Variants in SCFD1 observed in about 807,000 individuals in gnomAD.
SCFD1 encodes sec1 family domain containing 1.
Under a neutral mutation model 103.2 loss-of-function variants are expected in SCFD1, and 37 were observed. That is an observed-to-expected ratio of 0.36 (90% CI 0.28 to 0.47). SCFD1 has a LOEUF of 0.47. Ranked by LOEUF, SCFD1 falls within the 20% of genes least tolerant of loss-of-function variation. The pLI is 1.00. For missense variants in SCFD1, 639 were observed against 761.2 expected, an observed-to-expected ratio of 0.84 and a Z score of 1.89; for synonymous variants, 264 against 245.0, an observed-to-expected ratio of 1.08 and a Z score of -0.73.
At chr14:30,672,118 C>T (rs1274868810) in intron 11 of SCFD1, among the ~76,000 whole-genome samples, 4 of 151,736 alleles carry the variant, frequency 2.6e-5, no homozygotes. Flanking sequence ...AACTCTGAGA[C>T]CTAAAGATAT....
intron 14 of SCFD1, among the ~76,000 whole-genome samples, chr14:30,693,854 T>C (rs8011610): frequency 0.04 from 6,151 of 152,240 alleles, 151 homozygotes; most frequent in South Asian, 0.067. Flanking sequence ...ACACCCTCAA[T>C]AGTATCTGAA....
intron 23 of SCFD1, among the ~76,000 whole-genome samples, chr14:30,723,703 C>T (rs2139417878): frequency 6.6e-6 from 1 of 152,300 alleles, no homozygotes; most frequent in African/African-American, 2.4e-5. Context: ...GCAGCTCCAT[C>T]TATGTCCCTG....
rs1479253293 is a variant in SCFD1, at chr14:30,630,488, T to C, written c.144T>C (p.Tyr48=). The C allele has an allele frequency of 6.3e-7, 1 of 1,588,454 alleles. No homozygotes were observed. The highest frequency in any genetic ancestry group is 1.7e-5 in the Admixed American group (1 of 59,944). The change falls in exon 3 of 25, where the codon TAT becomes TAC. Residue 48 remains tyrosine, a synonymous_variant. Transcript: ENST00000458591. The part of the protein sequence containing the change: ...TGEPVWKVLI[Y]DRFGQDIISP... ...GTTTTTTTTAATAGGTACTCATTTATGACAGATTTGGCCAAGATATAATCT... is the reference window on the plus strand; with the variant it reads ...GTTTTTTTTAATAGGTACTCATTTACGACAGATTTGGCCAAGATATAATCT...
intron 7 of SCFD1, among the ~76,000 whole-genome samples, chr14:30,648,431 C>T (rs1886063032): frequency 6.6e-6 from 1 of 152,018 alleles, no homozygotes; most frequent in African/African-American, 2.4e-5. Context: ...AGGATTTCAA[C>T]CTATATGAAT....
intron 23 of SCFD1, among the ~76,000 whole-genome samples, chr14:30,725,300 T>A (rs904215472): frequency 2.0e-5 from 3 of 152,254 alleles, no homozygotes; most frequent in Non-Finnish European, 4.4e-5. Context: ...ATGCTATTTC[T>A]TCTTCCTATC....
intron 3 of SCFD1, 163 bp downstream of exon 3, chr14:30,630,728 C>CCTG: frequency 1.9e-6 from 1 of 530,340 alleles, no homozygotes; most frequent in South Asian, 2.7e-5. Flanking sequence ...CAGTCTGAGG[C>CCTG]TTTATAATTT....
chr14:30,639,173 C>T (rs1220428580), intron 5 of SCFD1, among the ~76,000 whole-genome samples: 2 of 152,082 alleles, frequency 1.3e-5, no homozygotes, highest in Middle Eastern at 3.2e-3. Context: ...ACCACCCCAC[C>T]CAGCTAATTT....
chr14:30,642,906 T>A (rs890561448), intron 6 of SCFD1, among the ~76,000 whole-genome samples: 1 of 152,176 alleles, frequency 6.6e-6, no homozygotes, highest in Non-Finnish European at 1.5e-5. Flanking sequence ...GTGTGGTGGC[T>A]CATGCCTATA....
At chr14:30,715,881 T>C (rs1213292746) in intron 19 of SCFD1, 43 bp from the exon 20 acceptor site, 20 of 1,098,678 alleles carry the variant, frequency 1.8e-5, no homozygotes, top group Non-Finnish European at 2.7e-5. Flanking sequence ...AGAGAAGAAC[T>C]TTGGTTTAAT....
At chr14:30,728,296 G>T (rs1310691537) in intron 23 of SCFD1, among the ~76,000 whole-genome samples, 1 of 152,264 alleles carries the variant, frequency 6.6e-6, no homozygotes, top group East Asian at 1.9e-4. Flanking sequence ...CTTTGTGTTT[G>T]GTAAGGTATA....
At chr14:30,622,775 T>C (rs1882984704) in intron 1 of SCFD1, among the ~76,000 whole-genome samples, 1 of 152,188 alleles carries the variant, frequency 6.6e-6, no homozygotes, top group Admixed American at 6.5e-5. Flanking sequence ...TTAAGAGAAC[T>C]CCCATTTTCT....
chr14:30,710,117 T>A (rs1290730066), intron 19 of SCFD1, among the ~76,000 whole-genome samples: 2 of 152,158 alleles, frequency 1.3e-5, no homozygotes, highest in South Asian at 4.1e-4. Context: ...AATTCTTAAA[T>A]ATTTTATTGT....
At chr14:30,667,888 C>T (rs1392535302) in intron 10 of SCFD1, among the ~76,000 whole-genome samples, 2 of 152,180 alleles carry the variant, frequency 1.3e-5, no homozygotes, top group East Asian at 1.9e-4. Context: ...AACCACTGCT[C>T]AACGAAATAA....
chr14:30,649,496 A>G lies in SCFD1; in HGVS notation c.614-32A>G, dbSNP rs372302927. 1.5e-4 allele frequency: 215 copies of G among 1,452,424 alleles called. No homozygotes were observed. The African/African-American group carries it at 2.6e-3, about 18-fold the overall frequency. 90.0% of individuals were successfully genotyped at this position (1,452,424 alleles called of 1,614,324 possible). A position where few individuals can be genotyped will look rare whatever the true frequency, so the allele number is the denominator to read the frequency against. ...TAAGTATCTATTTTAATTAAGAGCC[A>G]AGATCATTTCTAACATTTATTGTTA... is the stretch of plus-strand genomic sequence containing the variant. On this transcript the variant is annotated intron_variant, in intron 7 of 24. Transcript: ENST00000458591.
intron 23 of SCFD1, among the ~76,000 whole-genome samples, chr14:30,723,310 A>G (rs975342248): frequency 2.0e-5 from 3 of 152,158 alleles, no homozygotes; most frequent in African/African-American, 7.2e-5. Context: ...GTTTCATAGG[A>G]CACGCTTCAT....
At chr14:30,668,380 C>G (rs1888214294) in intron 10 of SCFD1, among the ~76,000 whole-genome samples, 1 of 152,146 alleles carries the variant, frequency 6.6e-6, no homozygotes, top group Non-Finnish European at 1.5e-5. Context: ...CTTCCTTAAA[C>G]CTTATACAAA....
intron 14 of SCFD1, chr14:30,682,911 G>C: frequency 5.0e-6 from 2 of 399,814 alleles, no homozygotes; most frequent in Non-Finnish European, 8.9e-6. Context: ...CTCAACTGAG[G>C]CTTAATTTAA....
chr14:30,680,146 C>T (rs1280474382), intron 14 of SCFD1, among the ~76,000 whole-genome samples: 1 of 152,194 alleles, frequency 6.6e-6, no homozygotes. Context: ...TTGGCTCTCA[C>T]TTCCCTAATA....
intron 4 of SCFD1, among the ~76,000 whole-genome samples, chr14:30,637,147 A>G (rs1884807869): frequency 6.6e-6 from 1 of 152,028 alleles, no homozygotes; most frequent in East Asian, 1.9e-4. Flanking sequence ...TTAGGAAATT[A>G]TGTATTTATA....
Sources: gnomAD v4.1 joint callset for allele counts (sites outside exome capture counted in the v4.1 genomes callset) on GRCh38, gnomAD v4.1.1 for gene constraint, MANE v1.5 for transcripts, NCBI Gene and HGNC (gene_info 2026-07-23, HGNC 2026-07-21) for gene names.